The following CHDH variants were observed in gnomAD, a reference collection of about 807,000 sequenced individuals.
CHDH encodes the protein choline dehydrogenase.
Under a neutral mutation model 56.9 loss-of-function variants are expected in CHDH, and 43 were observed. That is an observed-to-expected ratio of 0.76 (90% CI 0.59 to 0.97). CHDH has a LOEUF of 0.97. Among genes scored for constraint, CHDH ranks in the 50% least tolerant of loss-of-function variants. The pLI, the probability that CHDH is intolerant of heterozygous loss-of-function variation, is 0.00. For missense variants in CHDH, 816 were observed against 821.1 expected (o/e 0.99, Z 0.08); for synonymous variants, 364 against 348.5 (o/e 1.04, Z -0.50).
chr3:53,817,501 C>A lies in CHDH; in HGVS notation c.*276G>T. The A allele has an allele frequency of 2.2e-6, 1 of 462,006 alleles. No individual in the cohort carries two copies. The highest frequency in any genetic ancestry group is 3.8e-6 in the Non-Finnish European group (1 of 263,258). 28.6% of individuals were successfully genotyped at this position (462,006 alleles called of 1,614,324 possible). ...TGCGGCAGGAGTTAACCATCCTCCC[C>A]TTCTGTCCCTCCAGGAGGCAGGGAG... On this transcript the variant is annotated 3_prime_UTR_variant, in exon 9 of 9. Coordinates refer to ENST00000315251, the MANE Select transcript of CHDH (RefSeq NM_018397.5).
At chr3:53,827,320 C>G (rs577691452) in intron 2 of CHDH, among the ~76,000 whole-genome samples, 2 of 152,280 alleles carry the variant, frequency 1.3e-5, no homozygotes, top group South Asian at 4.1e-4. Context: ...ATGCCTGCTT[C>G]CCCTTCACCT....
rs1355822329 is a variant in CHDH at position 53,817,650 on chromosome 3, C to CT, written c.*126dup. ...CAAGACTTTATCCAATTCTCAGCCA[C>CT]TGAGTAGGGTACCACCTGGGTCCTA... On this transcript the variant is annotated 3_prime_UTR_variant, in exon 9 of 9. Coordinates refer to ENST00000315251, the MANE Select transcript of CHDH (RefSeq NM_018397.5). The CT allele has an allele frequency of 2.9e-5, 21 of 729,856 alleles. No homozygotes were observed. Among genetic ancestry groups the CT allele is most frequent in the Non-Finnish European group, 4.6e-5 (21 of 453,154 alleles). 45.2% of individuals were successfully genotyped at this position (729,856 alleles called of 1,614,324 possible). A position where few individuals can be genotyped will look rare whatever the true frequency, so the allele number is the denominator to read the frequency against.
chr3:53,827,339 G>T (rs2095640838), intron 2 of CHDH, among the ~76,000 whole-genome samples: 1 of 152,136 alleles, frequency 6.6e-6, no homozygotes, highest in Non-Finnish European at 1.5e-5. Context: ...CTTCTGCCAT[G>T]ATTGTAAGTT....
chr3:53,819,061 C>A lies in CHDH; in HGVS notation c.1264-21G>T. ...TGTACCTAGAAGAACACAGAGGAAG[C>A]AGTGACGGTCCCTCCATAGACATCC... is the stretch of plus-strand genomic sequence containing the variant. On this transcript the variant is annotated intron_variant, in intron 7 of 8. Coordinates refer to ENST00000315251, the MANE Select transcript of CHDH (RefSeq NM_018397.5). This position sits in a 1 kb window ranked among gnomAD's most constrained non-coding sequence, Gnocchi z 5.4. 2 of 1,523,424 alleles carry A rather than the reference C, an allele frequency of 1.3e-6. No homozygotes were observed. The highest frequency in any genetic ancestry group is 1.1e-5 in the South Asian group (1 of 88,036). 94.4% of individuals were successfully genotyped at this position (1,523,424 alleles called of 1,614,324 possible).
intron 2 of CHDH, among the ~76,000 whole-genome samples, chr3:53,832,302 T>C (rs921445839): frequency 3.9e-5 from 6 of 151,976 alleles, no homozygotes; most frequent in African/African-American, 1.4e-4. Flanking sequence ...GAGGCCAAGG[T>C]AGGCGGATCA....
At position 53,813,213 on chromosome 3, in the gene CHDH, A is replaced by G. The variant is rs2095608528; in HGVS notation, c.*4564T>C. The G allele has an allele frequency of 3.5e-5, 5 of 142,570 alleles. No individual in the cohort carries two copies. The allele number at this position is 142,570 out of a possible 1,614,324, so 8.8% of individuals were successfully genotyped here. A position where few individuals can be genotyped will look rare whatever the true frequency, so the allele number is the denominator to read the frequency against. On this transcript the variant is annotated 3_prime_UTR_variant, in exon 9 of 9. Transcript: ENST00000315251. ...ACAAACCTCTTCTTAAGACATTCTT[A>G]CTCTGATCCAGGCAAAAACACTTCA...
In CHDH at chr3:53,824,041, G is replaced by T. The variant is rs1271932296; in HGVS notation, c.-33C>A. The T allele has an allele frequency of 7.1e-7, 1 of 1,417,222 alleles. No homozygotes were observed. The allele number at this position is 1,417,222 out of a possible 1,614,324, so 87.8% of individuals were successfully genotyped here. On this transcript the variant is annotated 5_prime_UTR_variant, in exon 3 of 9. Coordinates refer to ENST00000315251, the MANE Select transcript of CHDH (RefSeq NM_018397.5). The stretch of plus-strand genomic sequence containing the variant: ...TCTAGTCCAAGTCCTCTGATCCACG[G>T]AGGGGAATGAGATGACTCACTTCTC...
At position 53,819,886 on chromosome 3, in the gene CHDH, G is replaced by C. The variant is rs2095622882; in HGVS notation, c.1121-212C>G. Among the ~76,000 whole-genome samples the C allele has an allele frequency of 6.6e-6, 1 of 152,202 alleles. No homozygotes were observed. The highest frequency in any genetic ancestry group is 1.5e-5 in the Non-Finnish European group (1 of 68,040). On this transcript the variant is annotated intron_variant, in intron 6 of 8. Coordinates refer to ENST00000315251, the MANE Select transcript of CHDH (RefSeq NM_018397.5). This position sits in a 1 kb window ranked among gnomAD's most constrained non-coding sequence, Gnocchi z 5.4. The stretch of plus-strand genomic sequence containing the variant: ...ATAAAATGTCAGCTATTTGCCAAAA[G>C]GATGGCATCAGCTCTGCTCTCTACC...
Position 53,823,358 on chromosome 3 carries a change from C to T in CHDH, c.651G>A (p.Met217Ile). The change falls in exon 3 of 9, where the codon ATG becomes ATA. Residue 217 changes from methionine (M) to isoleucine (I), a missense_variant. Met to Ile is a conservative substitution (Grantham distance 10, BLOSUM62 1). Transcript: ENST00000315251. The part of the protein sequence containing the change: ...QQAGYPLTED[M>I]NGFQQEGFGW... ...CGAAGCCCTCCTGCTGGAAGCCATT[C>T]ATGTCCTCGGTGAGCGGGTAGCCGG... 1 of 1,602,542 alleles carries T rather than the reference C, an allele frequency of 6.2e-7. No homozygotes were observed. Among genetic ancestry groups the T allele is most frequent in the Non-Finnish European group, 8.5e-7 (1 of 1,174,030 alleles).
rs1042883787 is a variant in CHDH, at chr3:53,819,665, G to A, written c.1130C>T (p.Ala377Val). The A allele has an allele frequency of 2.2e-5, 36 of 1,602,874 alleles. No homozygotes were observed. Among genetic ancestry groups the A allele is most frequent in the Non-Finnish European group, 2.9e-5 (34 of 1,174,222 alleles). ...EWLWKFTGEG[A>V]TAHLETGGFI... ...CCCACCTGTTTCCAGATGGGCAGTG[G>A]CTCCCTCCCCTGAGAAGCAGAAGAG... The change falls in exon 7 of 9, where the codon GCC becomes GTC. Residue 377 changes from alanine (A) to valine (V), a missense_variant. Physicochemically the swap from Ala to Val is moderately conservative, Grantham distance 64. Transcript: ENST00000315251. This position sits in a 1 kb window ranked among gnomAD's most constrained non-coding sequence, Gnocchi z 5.4.
chr3:53,813,416 T>C lies in CHDH; in HGVS notation c.*4361A>G, dbSNP rs561780984. On this transcript the variant is annotated 3_prime_UTR_variant, in exon 9 of 9. Coordinates refer to ENST00000315251, the MANE Select transcript of CHDH (RefSeq NM_018397.5). ...CTGTGCCAGGGCAGCTCTGAAATTA[T>C]GGATATTCTTATCCTCCTGGTTCCT... 1 of 152,370 alleles carries C rather than the reference T, an allele frequency of 6.6e-6. No homozygotes were observed. Among genetic ancestry groups the C allele is most frequent in the South Asian group, 2.1e-4 (1 of 4,832 alleles). The allele number at this position is 152,370 out of a possible 1,614,324, so 9.4% of individuals were successfully genotyped here.
chr3:53,841,248 A>G (rs556457499), intron 1 of CHDH, among the ~76,000 whole-genome samples: 37 of 152,314 alleles, frequency 2.4e-4, no homozygotes, highest in African/African-American at 7.7e-4. Context: ...TATGGACCAG[A>G]CATGGAACCC....
chr3:53,830,086 G>A (rs1294426462), intron 2 of CHDH, among the ~76,000 whole-genome samples: 2 of 152,042 alleles, frequency 1.3e-5, no homozygotes, highest in Non-Finnish European at 2.9e-5. Flanking sequence ...AGAAGTTAAA[G>A]ATGACCTAAA....
chr3:53,832,536 A>AAAT (rs1698370859), intron 2 of CHDH, among the ~76,000 whole-genome samples: 1 of 152,080 alleles, frequency 6.6e-6, no homozygotes, highest in Non-Finnish European at 1.5e-5. Context: ...CATCTCAAAA[A>AAAT]AATAATAATA....
chr3:53,821,674 C>CCAGT lies in CHDH; in HGVS notation c.954_957dup (p.Gly320ThrfsTer91), dbSNP rs1218268438. 2.5e-6 allele frequency: 4 copies of CCAGT among 1,613,916 alleles called. No homozygotes were observed. The Admixed American group carries it at 6.7e-5, about 27-fold the overall frequency. ...GGTAGGTGGCACACCACAGGGATGC[C>CCAGT]CAGTTTCTTGAGGTCATCAGCATTC... is the stretch of plus-strand genomic sequence containing the variant. On this transcript the variant is annotated frameshift_variant, in exon 5 of 9. Coordinates refer to ENST00000315251, the MANE Select transcript of CHDH (RefSeq NM_018397.5). LOFTEE classifies it high-confidence loss of function.
intron 2 of CHDH, among the ~76,000 whole-genome samples, chr3:53,839,378 G>A (rs1433494399): frequency 2.6e-5 from 4 of 152,238 alleles, no homozygotes; most frequent in African/African-American, 9.6e-5. Context: ...ATAAATCCAA[G>A]TATAGAATGG....
At chr3:53,834,824 G>GTA (rs1283388901) in intron 2 of CHDH, among the ~76,000 whole-genome samples, 2 of 152,198 alleles carry the variant, frequency 1.3e-5, no homozygotes, top group Admixed American at 6.5e-5. Context: ...ACTGTGCCCT[G>GTA]TAGGATTAGA....
Position 53,823,647 on chromosome 3 carries a change from T to C in CHDH, c.362A>G (p.Tyr121Cys). The part of the protein sequence containing the change: ...VQRGLDGRVL[Y>C]WPRGRVWGGS... ...ACCCCAGACGCGGCCGCGTGGCCAG[T>C]ACAGCACGCGGCCGTCCAGGCCCCG... Residue 121 changes from tyrosine (Y) to cysteine (C), a missense_variant, in exon 3 of 9, where the codon TAC becomes TGC. By Grantham distance (194) the Tyr-to-Cys change is radical (BLOSUM62 -2). Coordinates refer to ENST00000315251, the MANE Select transcript of CHDH (RefSeq NM_018397.5). 4 of 1,544,890 alleles carry C rather than the reference T, an allele frequency of 2.6e-6. No individual in the cohort carries two copies. Among genetic ancestry groups the C allele is most frequent in the Non-Finnish European group, 2.6e-6 (3 of 1,146,228 alleles).
chr3:53,825,192 TC>T (rs1559754400), intron 2 of CHDH, among the ~76,000 whole-genome samples: 1 of 152,218 alleles, frequency 6.6e-6, no homozygotes, highest in Non-Finnish European at 1.5e-5. Flanking sequence ...TACCTCAGTC[TC>T]CACTATCCCA....
Sources: allele counts gnomAD v4.1 joint callset (sites outside exome capture counted in the v4.1 genomes callset), GRCh38; gene constraint gnomAD v4.1.1; non-coding constraint Gnocchi (gnomAD v3.1); transcripts MANE v1.5; gene names NCBI Gene and HGNC (gene_info 2026-07-23, HGNC 2026-07-21).